FMR1NB: variants seen among roughly 807,000 people sequenced by gnomAD.
The protein encoded by FMR1NB is FMR1 neighbor.
A neutral mutation model predicts 16.8 loss-of-function variants in FMR1NB; 10 were observed. That is an observed-to-expected ratio of 0.60 (90% CI 0.37 to 1.01). The LOEUF (loss-of-function observed/expected upper bound fraction) is 1.01. Ranked by LOEUF, FMR1NB falls within the 50% of genes least tolerant of loss-of-function variation. FMR1NB has a pLI of 0.01. For synonymous variants in FMR1NB, 83 were observed against 79.1 expected (o/e 1.05, Z -0.26); for missense variants, 205 against 204.8 (o/e 1.00, Z 0.00).
intron 1 of FMR1NB, among the ~76,000 whole-genome samples, chrX:147,983,888 T>C (rs2044463307): frequency 9.0e-6 from 1 of 111,341 alleles, no homozygotes; most frequent in African/African-American, 3.3e-5. Flanking sequence ...TGTTGATCCA[T>C]TTGGAGTTGA....
intron 1 of FMR1NB, among the ~76,000 whole-genome samples, chrX:147,988,493 T>A (rs2044487890): frequency 9.0e-6 from 1 of 111,034 alleles, no homozygotes; most frequent in South Asian, 3.9e-4. Flanking sequence ...GCCTTGGGGT[T>A]GCTCTTCTCG....
chrX:148,007,251 T>C (rs1194129746), intron 3 of FMR1NB, among the ~76,000 whole-genome samples: 1 of 111,876 alleles, frequency 8.9e-6, no homozygotes, highest in African/African-American at 3.2e-5. Context: ...ACAGTAGACT[T>C]GAATGTTTCT....
chrX:148,017,075 T>G (rs1354459669), intron 4 of FMR1NB, among the ~76,000 whole-genome samples: 2 of 111,004 alleles, frequency 1.8e-5, no homozygotes, highest in African/African-American at 6.6e-5. Context: ...CTTTTGTTTG[T>G]CTGGGAAAGT....
chrX:148,003,727 A>G (rs1231318309), intron 2 of FMR1NB, among the ~76,000 whole-genome samples: 1 of 111,722 alleles, frequency 9.0e-6, no homozygotes, highest in African/African-American at 3.3e-5. Flanking sequence ...GATGTTATGG[A>G]ATATGCCAGA....
intron 1 of FMR1NB, among the ~76,000 whole-genome samples, chrX:147,999,159 C>CT (rs2044558454): frequency 9.0e-6 from 1 of 111,608 alleles, no homozygotes; most frequent in Non-Finnish European, 1.9e-5. Context: ...CTAGGGCACT[C>CT]TGAGTTGGGG....
chrX:148,013,601 A>G (rs1185963832), intron 4 of FMR1NB, among the ~76,000 whole-genome samples: 1 of 112,253 alleles, frequency 8.9e-6, no homozygotes, highest in African/African-American at 3.2e-5. Flanking sequence ...TTGATTTCCT[A>G]ACAAAATTAT....
At chrX:148,025,544 A>G (rs964054241) in intron 5 of FMR1NB, among the ~76,000 whole-genome samples, 1 of 111,768 alleles carries the variant, frequency 8.9e-6, no homozygotes, top group Non-Finnish European at 1.9e-5. Context: ...ATACTTGTAC[A>G]GGGTTATAGA....
chrX:148,019,383 T>G (rs12010481), intron 4 of FMR1NB, among the ~76,000 whole-genome samples: 1 of 111,942 alleles, frequency 8.9e-6, no homozygotes, highest in African/African-American at 3.3e-5. Flanking sequence ...TAATATGTCT[T>G]TGTTTCTCCA....
intron 4 of FMR1NB, among the ~76,000 whole-genome samples, chrX:148,019,576 G>T (rs1167315814): frequency 8.9e-6 from 1 of 111,737 alleles, no homozygotes; most frequent in African/African-American, 3.3e-5. Flanking sequence ...TGTTCTAAGG[G>T]ACTTGAGTGT....
chrX:148,025,298 A>G (rs1336158276), intron 5 of FMR1NB, among the ~76,000 whole-genome samples: 5 of 111,280 alleles, frequency 4.5e-5, no homozygotes, highest in African/African-American at 1.6e-4. Flanking sequence ...CTCTGACTCT[A>G]TGGCTCCCTG....
At chrX:147,983,885 C>A (rs781789486) in intron 1 of FMR1NB, among the ~76,000 whole-genome samples, 6 of 111,138 alleles carry the variant, frequency 5.4e-5, no homozygotes, top group South Asian at 3.8e-4. Flanking sequence ...GATTGTTGAT[C>A]CATTTGGAGT....
intron 1 of FMR1NB, among the ~76,000 whole-genome samples, chrX:147,983,987 A>AT (rs1324870338): frequency 4.5e-5 from 5 of 111,501 alleles, no homozygotes; most frequent in Non-Finnish European, 7.5e-5. Flanking sequence ...TGAAGAGACG[A>AT]TTTTTTCCTC....
intron 1 of FMR1NB, among the ~76,000 whole-genome samples, chrX:147,996,830 TA>T (rs2044544321): frequency 0.029 from 1 of 35 alleles, no homozygotes; most frequent in African/African-American, 0.12. Context: ...ACAGGGAAAT[TA>T]AAAAATAAAA....
chrX:148,002,146 C>G (rs1012105430), intron 1 of FMR1NB, among the ~76,000 whole-genome samples: 10 of 110,672 alleles, frequency 9.0e-5, no homozygotes, highest in African/African-American at 3.3e-4. Flanking sequence ...TCCCAAACAC[C>G]ATAAAAAAGT....
intron 4 of FMR1NB, among the ~76,000 whole-genome samples, chrX:148,009,000 CG>C (rs1283071984): frequency 9.2e-6 from 1 of 108,947 alleles, no homozygotes; most frequent in African/African-American, 3.4e-5. Flanking sequence ...ACCAACATGG[CG>C]AAACCCCGTT....
At chrX:148,016,819 T>G (rs1313924987) in intron 4 of FMR1NB, among the ~76,000 whole-genome samples, 1 of 111,101 alleles carries the variant, frequency 9.0e-6, no homozygotes, top group Non-Finnish European at 1.9e-5. Context: ...GTAGTCGATG[T>G]TTTGAAGAGT....
intron 4 of FMR1NB, among the ~76,000 whole-genome samples, chrX:148,009,658 A>G (rs2044614098): frequency 9.0e-6 from 1 of 111,071 alleles, no homozygotes; most frequent in African/African-American, 3.3e-5. Context: ...GTGCGCGTGC[A>G]AGGTCAGCAT....
At chrX:148,024,286 A>T (rs2044693029) in intron 4 of FMR1NB, among the ~76,000 whole-genome samples, 1 of 111,735 alleles carries the variant, frequency 8.9e-6, no homozygotes. Flanking sequence ...TCCACCTTCT[A>T]GGGTCGTTAT....
In FMR1NB at chrX:148,026,611, G is replaced by A. The variant is rs1215636887; in HGVS notation, c.*123G>A. On this transcript the variant is annotated 3_prime_UTR_variant, in exon 6 of 6. Transcript: ENST00000370467. ...AAGTTAAAAATTGATTCTTATTTTT[G>A]TCATGTTTACTTTCAAACATGAAAT... 9.0e-6 allele frequency: 1 copy of A among 111,521 alleles called. No homozygotes were observed. Among genetic ancestry groups the A allele is most frequent in the Non-Finnish European group, 1.9e-5 (1 of 53,011 alleles). 9.2% of individuals were successfully genotyped at this position (111,521 alleles called of 1,213,427 possible).
Sources: gnomAD v4.1 joint callset for allele counts (sites outside exome capture counted in the v4.1 genomes callset) on GRCh38, gnomAD v4.1.1 for gene constraint, MANE v1.5 for transcripts, NCBI Gene and HGNC (gene_info 2026-07-23, HGNC 2026-07-21) for gene names.